The following SLC6A9 variants were observed in gnomAD, a reference collection of about 807,000 sequenced individuals.
The protein encoded by SLC6A9 is solute carrier family 6 member 9.
In SLC6A9, 31 loss-of-function variants were observed where a neutral mutation model predicts 70.9. The observed-to-expected ratio is 0.44, with a 90% CI of 0.33 to 0.59. The LOEUF (loss-of-function observed/expected upper bound fraction) is 0.59. SLC6A9 is among the 20% of genes least tolerant of loss of function. The pLI is 0.04. For synonymous variants in SLC6A9, 310 were observed against 341.3 expected, an observed-to-expected ratio of 0.91 and a Z score of 1.01; for missense variants, 631 against 845.2, an observed-to-expected ratio of 0.75 and a Z score of 3.14.
chr1:44,026,986 G>A (rs1013647897), intron 1 of SLC6A9, among the ~76,000 whole-genome samples: 6 of 152,170 alleles, frequency 3.9e-5, no homozygotes, highest in Non-Finnish European at 2.9e-5. Flanking sequence ...GCTTCATGGC[G>A]GCTTCCAGGA....
Position 44,009,931 on chromosome 1 carries a change from G to T in SLC6A9, c.319+34C>A, listed in dbSNP as rs1477934342. The T allele has an allele frequency of 2.5e-6, 4 of 1,610,140 alleles. No homozygotes were observed. In the South Asian group the frequency reaches 4.4e-5, roughly 18 times the overall value. On this transcript the variant is annotated intron_variant, in intron 4 of 13. Coordinates refer to ENST00000372310, the MANE Select transcript of SLC6A9 (RefSeq NM_001024845.3). ...CCCTCAGAGGCCGTTGTGTGTTTGT[G>T]TATGTGTGAGCGAGTGCCCCGCCCA...
intron 10 of SLC6A9, 23 bp downstream of exon 10, chr1:44,001,141 C>A (rs201433081): frequency 1.5e-4 from 236 of 1,614,086 alleles, no homozygotes; most frequent in Non-Finnish European, 1.9e-4. Context: ...TCTGGGCCAG[C>A]CCTTCCCTTA....
At position 44,001,178 on chromosome 1, in the gene SLC6A9, G is replaced by C. The variant is rs1241042999; in HGVS notation, c.1321C>G (p.Pro441Ala). The change falls in exon 10 of 14, where the codon CCC becomes GCC. Residue 441 changes from proline (P) to alanine (A), a missense_variant. Pro to Ala is a conservative substitution (Grantham distance 27). Coordinates refer to ENST00000372310, the MANE Select transcript of SLC6A9 (RefSeq NM_001024845.3). ...GCAGCTCTTACCTGGCTGGTGAGGGGGATGCCCAGCAGGAAGCCAGCCACA... is the reference window on the plus strand; with the variant it reads ...GCAGCTCTTACCTGGCTGGTGAGGGCGATGCCCAGCAGGAAGCCAGCCACA... ...VAVAGFLLGI[P>A]LTSQAGIYWL... The C allele has an allele frequency of 6.2e-7, 1 of 1,614,218 alleles. No homozygotes were observed. Among genetic ancestry groups the C allele is most frequent in the South Asian group, 1.1e-5 (1 of 91,082 alleles).
intron 2 of SLC6A9, chr1:44,016,443 G>C (rs181047371): frequency 6.6e-6 from 1 of 152,660 alleles, no homozygotes; most frequent in Non-Finnish European, 1.5e-5. Context: ...TGTAGCTTTC[G>C]AGTCTCCTCA....
Position 43,997,953 on chromosome 1 carries a change from C to T in SLC6A9, c.1609G>A (p.Val537Met), listed in dbSNP as rs562409620. The change falls in exon 13 of 14, where the codon GTG becomes ATG. Residue 537 changes from valine (V) to methionine (M), a missense_variant. By Grantham distance (21) the Val-to-Met change is conservative (BLOSUM62 1). Transcript: ENST00000372310. The surrounding 1 kb of genome is among the most constrained non-coding windows in gnomAD (Gnocchi z 4.4). ...YNHYQYPGWA[V>M]AIGFLMALSS... is the part of the protein sequence containing the mutation. ...AGAGCCATGAGGAAGCCAATGGCCA[C>T]GGCCCAGCCTGGGTACTGGTAGTGG... 4.2e-5 allele frequency: 67 copies of T among 1,614,068 alleles called. 4 individuals carry two copies. In the South Asian group the frequency reaches 6.9e-4, roughly 17 times the overall value.
rs1174209023 is a variant in SLC6A9, at chr1:44,002,540, G to A, written c.830C>T (p.Pro277Leu). The part of the protein sequence containing the change: ...AFDGIMYYLT[P>L]QWDKILEAKV... ...GGCCTCCAGGATCTTGTCCCACTGCGGGGTTAGGTAGTACATGATGCCGTC... is the reference window on the plus strand; with the variant it reads ...GGCCTCCAGGATCTTGTCCCACTGCAGGGTTAGGTAGTACATGATGCCGTC... The change falls in exon 7 of 14, where the codon CCG becomes CTG. Residue 277 changes from proline (P) to leucine (L), a missense_variant. Transcript: ENST00000372310. This position sits in a 1 kb window ranked among gnomAD's most constrained non-coding sequence, Gnocchi z 5.5. 6.2e-7 allele frequency: 1 copy of A among 1,614,084 alleles called. No homozygotes were observed. Among genetic ancestry groups the A allele is most frequent in the Non-Finnish European group, 8.5e-7 (1 of 1,179,998 alleles).
intron 5 of SLC6A9, 141 bp from the exon 6 acceptor site, chr1:44,003,126 AG>A (rs2086183017): frequency 1.0e-6 from 1 of 999,812 alleles, no homozygotes; most frequent in Non-Finnish European, 1.5e-6. Context: ...GAGCTACTTC[AG>A]GGGCCCAGCC....
chr1:44,027,687 A>T (rs1352398872), intron 1 of SLC6A9, among the ~76,000 whole-genome samples: 2 of 152,244 alleles, frequency 1.3e-5, no homozygotes, highest in African/African-American at 4.8e-5. Flanking sequence ...AAAGAATTAC[A>T]AACTGAGACC....
At chr1:44,009,844 G>A (rs868442562) in intron 4 of SLC6A9, 121 bp downstream of exon 4, 16 of 1,192,658 alleles carry the variant, frequency 1.3e-5, no homozygotes, top group African/African-American at 6.1e-5. Context: ...GTGGGGCTTG[G>A]GGTCAGCATC....
chr1:44,023,779 A>G (rs1411582048), intron 2 of SLC6A9, among the ~76,000 whole-genome samples: 1 of 152,158 alleles, frequency 6.6e-6, no homozygotes, highest in Non-Finnish European at 1.5e-5. Flanking sequence ...AAGAGCCAGG[A>G]CTTGGGGAAA....
intron 2 of SLC6A9, among the ~76,000 whole-genome samples, chr1:44,021,362 C>T (rs2154307283): frequency 6.6e-6 from 1 of 152,296 alleles, no homozygotes; most frequent in East Asian, 1.9e-4. Context: ...ACCATCTGGG[C>T]TGGAGTGAGG....
At chr1:44,030,550 G>A in intron 1 of SLC6A9, 1 of 152,442 alleles carries the variant, frequency 6.6e-6, no homozygotes, top group Non-Finnish European at 1.5e-5. Context: ...CCCGCCCTAG[G>A]TGTGCCGGTA....
intron 1 of SLC6A9, among the ~76,000 whole-genome samples, chr1:44,027,628 C>T (rs1413174594): frequency 1.3e-5 from 2 of 152,240 alleles, no homozygotes; most frequent in Non-Finnish European, 2.9e-5. Context: ...ATCTGCACTC[C>T]TGCAGCTTAC....
At position 44,008,527 on chromosome 1, in the gene SLC6A9, G is replaced by A. The variant is rs369079873; in HGVS notation, c.416C>T (p.Thr139Met). ...IAFYYFFSSM[T>M]HVLPWAYCNN... ...GCAGTAGGCCCAGGGCAGCACGTGC[G>A]TCATGGACGAGAAGAAGTAGTAGAA... Residue 139 changes from threonine to methionine, a missense_variant, in exon 5 of 14, where the codon ACG (threonine) becomes ATG (methionine). Thr to Met is a moderately conservative substitution (Grantham distance 81). Transcript: ENST00000372310. 1.4e-5 allele frequency: 23 copies of A among 1,613,982 alleles called. No homozygotes were observed. In the East Asian group the frequency reaches 1.6e-4, roughly 11 times the overall value.
intron 2 of SLC6A9, among the ~76,000 whole-genome samples, chr1:44,020,573 G>A (rs917891646): frequency 1.3e-5 from 2 of 152,216 alleles, no homozygotes; most frequent in African/African-American, 4.8e-5. Context: ...CACACGCTAA[G>A]ACTTCGGTTA....
intron 2 of SLC6A9, among the ~76,000 whole-genome samples, chr1:44,020,116 C>T (rs1048731534): frequency 3.9e-5 from 6 of 152,204 alleles, no homozygotes; most frequent in Non-Finnish European, 8.8e-5. Context: ...GCTAGAAGAG[C>T]ACCTCCACTG....
chr1:44,009,929 G>C, intron 4 of SLC6A9, 36 bp downstream of exon 4: 1 of 1,609,682 alleles, frequency 6.2e-7, no homozygotes, highest in African/African-American at 1.3e-5. Context: ...TTGTGTGTTT[G>C]TGTATGTGTG....
Position 44,001,540 on chromosome 1 carries a change from A to G in SLC6A9, c.1050T>C (p.Asn350=), listed in dbSNP as rs2086106356. 6.2e-7 allele frequency: 1 copy of G among 1,614,256 alleles called. No homozygotes were observed. The highest frequency in any genetic ancestry group is 8.5e-7 in the Non-Finnish European group (1 of 1,180,046). ...CACGGGACACATCCACGCCCAGGTG[A>G]TTGGCCATGAAGCCGAGGATGGAGA... is the stretch of plus-strand genomic sequence containing the variant. ...VIFSILGFMA[N]HLGVDVSRVA... is the part of the protein sequence containing the mutation. Residue 350 remains asparagine (N), a synonymous_variant, in exon 9 of 14, where the codon AAT becomes AAC. Coordinates refer to ENST00000372310, the MANE Select transcript of SLC6A9 (RefSeq NM_001024845.3).
intron 12 of SLC6A9, among the ~76,000 whole-genome samples, chr1:44,000,393 A>T (rs1055142794): frequency 6.6e-6 from 1 of 152,216 alleles, no homozygotes; most frequent in Non-Finnish European, 1.5e-5. Context: ...ACTGGTTCCC[A>T]CCACATAGCC....
Sources: gnomAD v4.1 joint callset for allele counts (sites outside exome capture counted in the v4.1 genomes callset) on GRCh38, gnomAD v4.1.1 for gene constraint, Gnocchi (gnomAD v3.1) non-coding constraint, MANE v1.5 for transcripts, NCBI Gene and HGNC (gene_info 2026-07-23, HGNC 2026-07-21) for gene names.